The following TRAPPC9 variants were observed in gnomAD, a reference collection of about 807,000 sequenced individuals.
TRAPPC9 encodes IKK2 binding protein.
In TRAPPC9, 83 loss-of-function variants were observed where a neutral mutation model predicts 124.0. That is an observed-to-expected ratio of 0.67 (90% CI 0.56 to 0.80). The LOEUF (loss-of-function observed/expected upper bound fraction) is 0.80, where lower values mean the gene tolerates loss of function less well. Among genes scored for constraint, TRAPPC9 ranks in the 30% least tolerant of loss-of-function variants. The pLI is 0.00. For missense variants in TRAPPC9, 1,302 were observed against 1,508.3 expected, an observed-to-expected ratio of 0.86 and a Z score of 2.27; for synonymous variants, 638 against 617.5, an observed-to-expected ratio of 1.03 and a Z score of -0.49.
At chr8:139,963,706 G>A (rs755722588) in intron 19 of TRAPPC9, among the ~76,000 whole-genome samples, 9 of 137,962 alleles carry the variant, frequency 6.5e-5, no homozygotes, top group Non-Finnish European at 1.4e-4. Context: ...GACCTAAAGG[G>A]CGTCGGAACC....
At position 140,160,305 on chromosome 8, in the gene TRAPPC9, C is replaced by T. The variant is rs577398222; in HGVS notation, c.2556+61154G>A. Reference sequence around the variant, plus strand: ...GTGATCCCATTACTGGGTATATACCCAAAGGATTATAAATCATGCTACTGT... The same window carrying T: ...GTGATCCCATTACTGGGTATATACCTAAAGGATTATAAATCATGCTACTGT... On this transcript the variant is annotated intron_variant, in intron 17 of 22. Coordinates refer to ENST00000438773, the MANE Select transcript of TRAPPC9 (RefSeq NM_001160372.4). Among the ~76,000 whole-genome samples the T allele has an allele frequency of 5.3e-5, 8 of 152,238 alleles. No individual in the cohort carries two copies. In the East Asian group the frequency reaches 1.5e-3, roughly 29 times the overall value.
intron 19 of TRAPPC9, among the ~76,000 whole-genome samples, chr8:139,966,795 C>T (rs186857345): frequency 5.3e-5 from 8 of 152,294 alleles, no homozygotes; most frequent in Non-Finnish European, 1.0e-4. Context: ...TGCATCAATA[C>T]ATATCATGGC....
intron 17 of TRAPPC9, among the ~76,000 whole-genome samples, chr8:140,198,276 C>T (rs1397241274): frequency 1.3e-5 from 2 of 152,144 alleles, no homozygotes; most frequent in Admixed American, 1.3e-4. Context: ...TGCCTGGGGA[C>T]TAGACTGCCT....
At chr8:140,289,377 G>A (rs766246179) in intron 12 of TRAPPC9, among the ~76,000 whole-genome samples, 9 of 152,102 alleles carry the variant, frequency 5.9e-5, no homozygotes, top group Non-Finnish European at 1.0e-4. Flanking sequence ...AGGCAAGGGT[G>A]GAAGCCGAGG....
chr8:140,173,950 ATAAT>A (rs1355103092), intron 17 of TRAPPC9, among the ~76,000 whole-genome samples: 1 of 152,194 alleles, frequency 6.6e-6, no homozygotes, highest in Non-Finnish European at 1.5e-5. Context: ...GGTTATTGTA[ATAAT>A]TAATAAAATG....
At chr8:139,791,211 C>A (rs577576968) in intron 21 of TRAPPC9, among the ~76,000 whole-genome samples, 134 of 152,262 alleles carry the variant, frequency 8.8e-4, no homozygotes, top group Middle Eastern at 6.8e-3. Flanking sequence ...AGCTGGCCAG[C>A]TTCGGGCAAC....
At chr8:140,268,300 C>G (rs1025666324) in intron 15 of TRAPPC9, among the ~76,000 whole-genome samples, 1 of 144,194 alleles carries the variant, frequency 6.9e-6, no homozygotes, top group Non-Finnish European at 1.5e-5. Flanking sequence ...GAGGCTTCTG[C>G]TCATACTCCC....
chr8:140,294,345 C>CT (rs2065746817), intron 11 of TRAPPC9, among the ~76,000 whole-genome samples: 1 of 152,170 alleles, frequency 6.6e-6, no homozygotes, highest in South Asian at 2.1e-4. Context: ...CTCACCCAGC[C>CT]TGCCCGGGGC....
At chr8:140,185,748 G>A (rs1050378090) in intron 17 of TRAPPC9, among the ~76,000 whole-genome samples, 1 of 152,222 alleles carries the variant, frequency 6.6e-6, no homozygotes, top group Non-Finnish European at 1.5e-5. Flanking sequence ...CGCCATGCTC[G>A]GGAACCCGGC....
chr8:139,951,054 G>A (rs57198373), intron 19 of TRAPPC9, among the ~76,000 whole-genome samples: 4,724 of 152,130 alleles, frequency 0.031, 129 homozygotes, highest in African/African-American at 0.072. Context: ...CATCCCCACC[G>A]CCACCTCCCC....
chr8:139,822,010 C>G (rs770091342), intron 21 of TRAPPC9, among the ~76,000 whole-genome samples: 1 of 152,190 alleles, frequency 6.6e-6, no homozygotes, highest in African/African-American at 2.4e-5. Flanking sequence ...AGTTCTTTCT[C>G]GGCACAATGG....
chr8:139,923,052 G>A (rs1473182439), intron 19 of TRAPPC9, among the ~76,000 whole-genome samples: 1 of 151,432 alleles, frequency 6.6e-6, no homozygotes, highest in Non-Finnish European at 1.5e-5. Flanking sequence ...TAGAAGAGCT[G>A]CAGATGGGCC....
intron 1 of TRAPPC9, among the ~76,000 whole-genome samples, chr8:140,453,340 C>A (rs984386904): frequency 1.3e-5 from 2 of 152,108 alleles, no homozygotes; most frequent in African/African-American, 4.8e-5. Flanking sequence ...AAATAGGAAG[C>A]CCAAAACTGC....
At chr8:139,997,244 TAGGGGAGACAATGCAACCCTCAC>T (rs1838058996) in intron 18 of TRAPPC9, among the ~76,000 whole-genome samples, 1 of 150,498 alleles carries the variant, frequency 6.6e-6, no homozygotes, top group Non-Finnish European at 1.5e-5. Flanking sequence ...GCATCCTTCA[TAGGGGAGACAATGCAACCCTCAC>T]AGGGGAGACA....
At chr8:140,190,780 G>A (rs370800613) in intron 17 of TRAPPC9, among the ~76,000 whole-genome samples, 149 of 152,286 alleles carry the variant, frequency 9.8e-4, no homozygotes, top group African/African-American at 3.2e-3. Flanking sequence ...TAAACCCTTA[G>A]CAAATTCAAG....
chr8:140,360,403 A>G (rs751100757), intron 8 of TRAPPC9, among the ~76,000 whole-genome samples: 3 of 152,246 alleles, frequency 2.0e-5, no homozygotes, highest in Non-Finnish European at 2.9e-5. Flanking sequence ...CAGGCATTAC[A>G]CTATAGCTTC....
chr8:139,826,015 G>A (rs1471728977), intron 21 of TRAPPC9, among the ~76,000 whole-genome samples: 8 of 152,334 alleles, frequency 5.3e-5, no homozygotes, highest in Admixed American at 5.2e-4. Context: ...CCAGGTGGGG[G>A]TGAGAGCCCA....
intron 9 of TRAPPC9, among the ~76,000 whole-genome samples, chr8:140,332,123 C>T (rs568066328): frequency 6.6e-6 from 1 of 152,022 alleles, no homozygotes; most frequent in Non-Finnish European, 1.5e-5. Context: ...ATATATACAC[C>T]GTGGAATGTG....
chr8:140,339,981 T>G, intron 9 of TRAPPC9, among the ~76,000 whole-genome samples: 1 of 110,380 alleles, frequency 9.1e-6, no homozygotes, highest in Admixed American at 1.0e-4. Flanking sequence ...TAGCTGGAAT[T>G]ACAGGCGTGG....
Sources: allele counts gnomAD v4.1 joint callset (sites outside exome capture counted in the v4.1 genomes callset), GRCh38; gene constraint gnomAD v4.1.1; transcripts MANE v1.5; gene names NCBI Gene and HGNC (gene_info 2026-07-23, HGNC 2026-07-21).